The following CPED1 variants were observed in gnomAD, a reference collection of about 807,000 sequenced individuals.
CPED1 encodes the protein cadherin like and PC-esterase domain containing 1, also known as cadherin-like and PC-esterase domain-containing protein 1.
In CPED1, 114 loss-of-function variants were observed where a neutral mutation model predicts 128.2. The observed-to-expected ratio is 0.89, with a 90% confidence interval of 0.76 to 1.04. The LOEUF is 1.04. Ranked by LOEUF, CPED1 falls within the 50% of genes least tolerant of loss-of-function variation. CPED1 has a pLI of 0.00. For missense variants in CPED1, 1,211 were observed against 1,207.1 expected, an observed-to-expected ratio of 1.00 and a Z score of -0.05; for synonymous variants, 462 against 426.7, an observed-to-expected ratio of 1.08 and a Z score of -1.02.
intron 18 of CPED1, among the ~76,000 whole-genome samples, chr7:121,252,855 C>T (rs1282113034): frequency 1.3e-5 from 2 of 152,144 alleles, no homozygotes; most frequent in African/African-American, 2.4e-5. Context: ...CACTTTTACA[C>T]TGTTGGTGGG....
At chr7:121,122,678 C>G (rs898683123) in intron 7 of CPED1, among the ~76,000 whole-genome samples, 6 of 152,118 alleles carry the variant, frequency 3.9e-5, no homozygotes, top group African/African-American at 1.4e-4. Context: ...CAACTTGTCT[C>G]CCAAAGCACA....
chr7:121,040,597 TC>T (rs1410760465), intron 3 of CPED1, among the ~76,000 whole-genome samples: 1 of 152,080 alleles, frequency 6.6e-6, no homozygotes, highest in African/African-American at 2.4e-5. Flanking sequence ...TATGCACTAA[TC>T]CTGATAAAGG....
At chr7:121,245,533 CTT>C (rs1192672858) in intron 18 of CPED1, among the ~76,000 whole-genome samples, 9 of 152,212 alleles carry the variant, frequency 5.9e-5, no homozygotes, top group Middle Eastern at 6.8e-3. Flanking sequence ...AGAATAGTAA[CTT>C]AATAAATATT....
intron 16 of CPED1, among the ~76,000 whole-genome samples, chr7:121,231,741 A>G (rs1380948247): frequency 6.6e-6 from 1 of 152,004 alleles, no homozygotes; most frequent in Admixed American, 6.6e-5. Context: ...TGAAAGAGTT[A>G]GGAATCATGG....
chr7:121,169,528 A>C (rs1796604932), intron 16 of CPED1, among the ~76,000 whole-genome samples: 1 of 152,214 alleles, frequency 6.6e-6, no homozygotes, highest in Non-Finnish European at 1.5e-5. Flanking sequence ...TGATCATCTG[A>C]TAATGATCAA....
intron 16 of CPED1, among the ~76,000 whole-genome samples, chr7:121,224,114 C>T (rs1189712859): frequency 6.6e-6 from 1 of 152,138 alleles, no homozygotes; most frequent in African/African-American, 2.4e-5. Context: ...AAATTTCCCT[C>T]TACACACTGC....
chr7:121,182,761 G>C (rs770038626), intron 16 of CPED1, among the ~76,000 whole-genome samples: 7 of 152,004 alleles, frequency 4.6e-5, no homozygotes, highest in Non-Finnish European at 1.0e-4. Flanking sequence ...CTTTGGGCAA[G>C]TTGCTTACCT....
At chr7:121,065,263 A>C (rs1467322819) in intron 5 of CPED1, among the ~76,000 whole-genome samples, 2 of 152,184 alleles carry the variant, frequency 1.3e-5, no homozygotes, top group African/African-American at 4.8e-5. Flanking sequence ...TAAGATACAT[A>C]TCTAAACTAA....
chr7:121,130,323 A>C, intron 12 of CPED1, 29 bp downstream of exon 12: 2 of 1,542,870 alleles, frequency 1.3e-6, no homozygotes, highest in Non-Finnish European at 8.7e-7. Flanking sequence ...TGAATTGTAC[A>C]ATCCAAAAAA....
chr7:121,128,180 G>C (rs1274665597), intron 10 of CPED1, among the ~76,000 whole-genome samples: 1 of 152,116 alleles, frequency 6.6e-6, no homozygotes, highest in African/African-American at 2.4e-5. Flanking sequence ...ATTTTATCCA[G>C]GTCCTCCCTG....
At chr7:121,036,376 G>C (rs1476514371) in intron 3 of CPED1, among the ~76,000 whole-genome samples, 9 of 151,696 alleles carry the variant, frequency 5.9e-5, no homozygotes, top group Non-Finnish European at 1.2e-4. Flanking sequence ...ATGGTGTTTG[G>C]TTTTCCTCCT....
intron 18 of CPED1, among the ~76,000 whole-genome samples, chr7:121,258,876 C>T (rs1176652053): frequency 3.3e-5 from 5 of 152,016 alleles, no homozygotes; most frequent in African/African-American, 7.2e-5. Context: ...TATTGTGCTA[C>T]AAAAACTTTA....
intron 16 of CPED1, among the ~76,000 whole-genome samples, chr7:121,189,956 C>T (rs1301790786): frequency 6.6e-6 from 1 of 151,078 alleles, no homozygotes; most frequent in Non-Finnish European, 1.5e-5. Context: ...CACCAGGCAA[C>T]AACAGTGAAC....
chr7:121,027,230 A>T (rs779973005), intron 3 of CPED1, among the ~76,000 whole-genome samples: 2 of 152,038 alleles, frequency 1.3e-5, no homozygotes, highest in Non-Finnish European at 2.9e-5. Context: ...CTTAGACCTC[A>T]TCACACATTA....
chr7:120,998,607 A>G (rs1250679898), intron 2 of CPED1, among the ~76,000 whole-genome samples: 1 of 152,208 alleles, frequency 6.6e-6, no homozygotes. Context: ...AGCAATAAAT[A>G]ATTGCTGCAA....
chr7:121,215,606 TAATA>T (rs1797742713), intron 16 of CPED1, among the ~76,000 whole-genome samples: 1 of 152,090 alleles, frequency 6.6e-6, no homozygotes, highest in Non-Finnish European at 1.5e-5. Flanking sequence ...GCACAGTTTT[TAATA>T]AATGTATTAG....
chr7:121,005,109 C>A (rs546245138), intron 2 of CPED1, among the ~76,000 whole-genome samples: 5 of 152,214 alleles, frequency 3.3e-5, no homozygotes, highest in Middle Eastern at 3.4e-3. Context: ...GCTTATGAAA[C>A]AATATGATTA....
intron 5 of CPED1, among the ~76,000 whole-genome samples, chr7:121,095,941 A>T (rs1794688808): frequency 6.6e-6 from 1 of 152,162 alleles, no homozygotes; most frequent in African/African-American, 2.4e-5. Context: ...AGAAGCCTCC[A>T]AATCAGCTCT....
intron 7 of CPED1, among the ~76,000 whole-genome samples, chr7:121,121,116 T>C (rs955525241): frequency 5.3e-5 from 8 of 151,538 alleles, no homozygotes; most frequent in African/African-American, 1.9e-4. Flanking sequence ...TGGAGAGAAA[T>C]AATGAGGCGG....
Sources: gnomAD v4.1 joint callset for allele counts (sites outside exome capture counted in the v4.1 genomes callset) on GRCh38, gnomAD v4.1.1 for gene constraint, MANE v1.5 for transcripts, NCBI Gene and HGNC (gene_info 2026-07-23, HGNC 2026-07-21) for gene names.